ECPAS: variants seen among roughly 807,000 people sequenced by gnomAD.
ECPAS encodes Ecm29 proteasome adaptor and scaffold, also known as proteasome adapter and scaffold protein ECM29.
ECPAS carries 70 observed loss-of-function variants against 255.1 expected under a neutral mutation model. The observed-to-expected ratio is 0.27, with a 90% CI of 0.23 to 0.33. The LOEUF (loss-of-function observed/expected upper bound fraction) is 0.33. ECPAS is among the 10% of genes least tolerant of loss of function. ECPAS has a pLI of 1.00. For missense variants in ECPAS, 1,817 were observed against 2,206.4 expected (o/e 0.82, Z 3.54); for synonymous variants, 784 against 775.0 (o/e 1.01, Z -0.19).
chr9:111,426,488 C>T (rs938600173), intron 10 of ECPAS, among the ~76,000 whole-genome samples: 2 of 151,942 alleles, frequency 1.3e-5, no homozygotes, highest in Non-Finnish European at 2.9e-5. Flanking sequence ...ATAATTGCCA[C>T]TGTGCTAGGT....
chr9:111,382,327 C>T (rs887516736), intron 35 of ECPAS, among the ~76,000 whole-genome samples: 2 of 146,282 alleles, frequency 1.4e-5, no homozygotes, highest in Non-Finnish European at 3.0e-5. Context: ...TGCAATGGCG[C>T]AATCTGGGCT....
rs2131439201 is a variant in ECPAS, at chr9:111,360,832, A to C, written c.*1198T>G. ...CATGGAGATTCCTGGTGTTAACGTC[A>C]ATAAGGATGAGTACTGAATGTAAAC... On this transcript the variant is annotated 3_prime_UTR_variant, in exon 50 of 50. Coordinates refer to ENST00000684092, the MANE Select transcript of ECPAS (RefSeq NM_001364929.1). 6.6e-6 allele frequency: 1 copy of C among 152,314 alleles called. No homozygotes were observed. The highest frequency in any genetic ancestry group is 1.5e-5 in the Non-Finnish European group (1 of 68,026). The allele number at this position is 152,314 out of a possible 1,614,324, so 9.4% of individuals were successfully genotyped here.
intron 24 of ECPAS, among the ~76,000 whole-genome samples, chr9:111,401,806 G>C (rs1206836929): frequency 6.6e-6 from 1 of 152,180 alleles, no homozygotes; most frequent in African/African-American, 2.4e-5. Context: ...CAGGCTTTCT[G>C]CAAGAAGAAA....
At position 111,389,617 on chromosome 9, in the gene ECPAS, T is replaced by C. The variant is rs1285241501; in HGVS notation, c.3386A>G (p.Asn1129Ser). Residue 1129 changes from asparagine to serine, a missense_variant, in exon 31 of 50, where the codon AAC becomes AGC. This residue lies in a region of ECPAS where 960 missense variants were observed against 1,179.0 expected (regional missense o/e 0.81). Coordinates refer to ENST00000684092, the MANE Select transcript of ECPAS (RefSeq NM_001364929.1). ...PRLYRYQFDP[N>S]LGIRQAMTSI... ...TGTCATGGCCTGTCGAATGCCAAGG[T>C]TGGGATCAAACTGGTAACGATAAAG... 3.7e-6 allele frequency: 6 copies of C among 1,613,734 alleles called. No individual in the cohort carries two copies. In the Admixed American group the frequency reaches 6.7e-5, roughly 18 times the overall value.
intron 3 of ECPAS, 110 bp from the exon 4 acceptor site, chr9:111,444,604 GT>G: frequency 1.4e-6 from 1 of 713,054 alleles, no homozygotes; most frequent in Admixed American, 2.7e-5. Flanking sequence ...TAGCTACTTT[GT>G]TCTTTTAAAG....
Position 111,462,808 on chromosome 9 carries a change from T to A in ECPAS, c.22+10089A>T, listed in dbSNP as rs2098274756. On this transcript the variant is annotated intron_variant, in intron 2 of 49. Transcript: ENST00000684092. ...CCAAGGCTGGAGTGCAGTGGTGCAA[T>A]CTCGGCTCACTGCAACTTCTGCCTC... 2.0e-5 allele frequency among the ~76,000 whole-genome samples: 3 copies of A among 149,046 alleles called. No homozygotes were observed. The South Asian group carries it at 6.5e-4, about 32-fold the overall frequency.
chr9:111,431,809 T>A lies in ECPAS; in HGVS notation c.849-1181A>T, dbSNP rs529439719. On this transcript the variant is annotated intron_variant, in intron 8 of 49. Coordinates refer to ENST00000684092, the MANE Select transcript of ECPAS (RefSeq NM_001364929.1). ...TTCTTTCATAGTTTATAAATATGCT[T>A]CTTCTTAGAATAGCCACAATTCCGC... 5.3e-5 allele frequency among the ~76,000 whole-genome samples: 8 copies of A among 152,338 alleles called. 1 individual carries two copies. The East Asian group carries it at 1.5e-3, about 29-fold the overall frequency.
At chr9:111,365,947 A>G (rs1194974404) in intron 48 of ECPAS, 2 of 360,304 alleles carry the variant, frequency 5.6e-6, no homozygotes, top group Non-Finnish European at 1.0e-5. Context: ...CATATTGCAG[A>G]GTATTACATG....
intron 35 of ECPAS, among the ~76,000 whole-genome samples, chr9:111,380,239 C>CT (rs1211346706): frequency 2.6e-5 from 4 of 152,344 alleles, no homozygotes; most frequent in African/African-American, 9.6e-5. Context: ...TTGTACCTCT[C>CT]TATCAGAGCT....
rs1053673423 is a variant in ECPAS, at chr9:111,371,609, T to C, written c.4737+12A>G. Reference sequence around the variant, plus strand: ...CAGAATCCCTTTAACTGGGTATGAATGGTTCCTTTACCTTTCCTGCCCACG... The same window carrying C: ...CAGAATCCCTTTAACTGGGTATGAACGGTTCCTTTACCTTTCCTGCCCACG... On this transcript the variant is annotated intron_variant, in intron 43 of 49. Coordinates refer to ENST00000684092, the MANE Select transcript of ECPAS (RefSeq NM_001364929.1). 1 of 1,609,728 alleles carries C rather than the reference T, an allele frequency of 6.2e-7. No homozygotes were observed. Among genetic ancestry groups the C allele is most frequent in the Non-Finnish European group, 8.5e-7 (1 of 1,176,620 alleles).
At chr9:111,388,413 G>C (rs1400079834) in intron 31 of ECPAS, among the ~76,000 whole-genome samples, 1 of 148,986 alleles carries the variant, frequency 6.7e-6, no homozygotes, top group Non-Finnish European at 1.5e-5. Flanking sequence ...AAAACTCATT[G>C]AGTCTTCAAA....
At position 111,389,715 on chromosome 9, in the gene ECPAS, A is replaced by G. The variant is rs758578190; in HGVS notation, c.3288T>C (p.Ala1096=). ...TGGTAGCAATTACATTAAAACCAAA[A>G]GCAGCACCCTAAAAATAATAGGCTG... is the stretch of plus-strand genomic sequence containing the variant. ...HAMWNSRKGA[A]FGFNVIATRA... is the part of the protein sequence containing the mutation. Residue 1096 remains alanine (A), a synonymous_variant, in exon 31 of 50, where the codon GCT becomes GCC. Transcript: ENST00000684092. 2 of 1,609,232 alleles carry G rather than the reference A, an allele frequency of 1.2e-6. No individual in the cohort carries two copies. The highest frequency in any genetic ancestry group is 1.7e-6 in the Non-Finnish European group (2 of 1,177,980).
intron 35 of ECPAS, 78 bp from the exon 36 acceptor site, chr9:111,378,808 T>C: frequency 7.2e-7 from 1 of 1,393,674 alleles, no homozygotes; most frequent in Middle Eastern, 1.8e-4. Flanking sequence ...ATGAGGATGT[T>C]CTGCAGTTCA....
intron 20 of ECPAS, 62 bp from the exon 21 acceptor site, chr9:111,412,210 C>A: frequency 2.9e-6 from 4 of 1,364,220 alleles, no homozygotes; most frequent in South Asian, 3.2e-5. Flanking sequence ...CTGATGACAA[C>A]ATCTTTTAAA....
At chr9:111,440,241 A>C in intron 6 of ECPAS, 131 bp downstream of exon 6, 1 of 800,434 alleles carries the variant, frequency 1.2e-6, no homozygotes, top group Admixed American at 3.1e-5. Context: ...TAGAAGAAAA[A>C]AATCTTTGTA....
At chr9:111,444,927 T>G (rs975883215) in intron 3 of ECPAS, among the ~76,000 whole-genome samples, 4 of 151,208 alleles carry the variant, frequency 2.6e-5, no homozygotes, top group Non-Finnish European at 4.4e-5. Context: ...AACTCCTGAC[T>G]TCATGATCTG....
intron 11 of ECPAS, 32 bp from the exon 12 acceptor site, chr9:111,425,528 A>G: frequency 1.4e-6 from 2 of 1,447,604 alleles, no homozygotes; most frequent in African/African-American, 1.4e-5. Flanking sequence ...ACAAAGCAAG[A>G]TAAGAATCTC....
At chr9:111,398,774 T>C (rs2098171232) in intron 24 of ECPAS, among the ~76,000 whole-genome samples, 1 of 152,006 alleles carries the variant, frequency 6.6e-6, no homozygotes, top group African/African-American at 2.4e-5. Flanking sequence ...CCGTCTCTAC[T>C]AAAAATAAAA....
chr9:111,377,165 G>A (rs1449101247), intron 36 of ECPAS, among the ~76,000 whole-genome samples: 1 of 152,070 alleles, frequency 6.6e-6, no homozygotes, highest in East Asian at 1.9e-4. Flanking sequence ...AATGAATGAA[G>A]AAGAAACAGC....
Sources: gnomAD v4.1 joint callset for allele counts (sites outside exome capture counted in the v4.1 genomes callset) on GRCh38, gnomAD v4.1.1 for gene constraint, gnomAD v4.1.1 regional missense constraint, MANE v1.5 for transcripts, NCBI Gene and HGNC (gene_info 2026-07-23, HGNC 2026-07-21) for gene names.